The following MGAT5 variants were observed in gnomAD, a reference collection of about 807,000 sequenced individuals.
MGAT5 encodes alpha-1,6-mannosylglycoprotein 6-beta-N-acetylglucosaminyltransferase.
In MGAT5, 30 loss-of-function variants were observed where a neutral mutation model predicts 94.3. The observed-to-expected ratio is 0.32, with a 90% CI of 0.24 to 0.43. The LOEUF (loss-of-function observed/expected upper bound fraction) is 0.43, where lower values mean the gene tolerates loss of function less well. Ranked by LOEUF, MGAT5 falls within the 20% of genes least tolerant of loss-of-function variation. MGAT5 has a pLI of 1.00. For synonymous variants in MGAT5, 310 were observed against 322.9 expected (o/e 0.96, Z 0.43); for missense variants, 691 against 905.5 (o/e 0.76, Z 3.04).
At chr2:134,375,975 G>A (rs1681144446) in intron 10 of MGAT5, among the ~76,000 whole-genome samples, 1 of 152,198 alleles carries the variant, frequency 6.6e-6, no homozygotes. Context: ...GTTGTCCCCA[G>A]GCACTCCAGA....
chr2:134,321,631 C>T (rs1036029701), intron 4 of MGAT5, among the ~76,000 whole-genome samples: 3 of 152,184 alleles, frequency 2.0e-5, no homozygotes, highest in African/African-American at 4.8e-5. Flanking sequence ...CGAGCAACTA[C>T]GTTTTCTCTT....
chr2:134,438,910 T>C (rs1479868220), intron 14 of MGAT5, among the ~76,000 whole-genome samples: 1 of 152,228 alleles, frequency 6.6e-6, no homozygotes, highest in African/African-American at 2.4e-5. Flanking sequence ...CCTGGAATTC[T>C]ATTTGCAGCT....
In MGAT5 at chr2:134,374,189, G is replaced by A. The variant is rs74424324; in HGVS notation, c.1380+11781G>A. 4.6e-3 allele frequency among the ~76,000 whole-genome samples: 699 copies of A among 152,268 alleles called. 4 individuals carry two copies. The highest frequency in any genetic ancestry group is 0.016 in the African/African-American group (674 of 41,538). On this transcript the variant is annotated intron_variant, in intron 10 of 15. Transcript: ENST00000281923. Reference sequence around the variant, plus strand: ...CATATAAGCCAGTGGAATGCATTGGGCCAGTTGAAGGAAGTCTGACCTCTT... The same window carrying A: ...CATATAAGCCAGTGGAATGCATTGGACCAGTTGAAGGAAGTCTGACCTCTT...
chr2:134,396,103 G>T (rs1682689919), intron 10 of MGAT5, among the ~76,000 whole-genome samples: 1 of 152,172 alleles, frequency 6.6e-6, no homozygotes, highest in Non-Finnish European at 1.5e-5. Flanking sequence ...AGAGGTAAGG[G>T]TTTGGGAAGG....
At chr2:134,411,072 C>T (rs1269966250) in intron 11 of MGAT5, among the ~76,000 whole-genome samples, 3 of 152,162 alleles carry the variant, frequency 2.0e-5, no homozygotes, top group Non-Finnish European at 4.4e-5. Context: ...GCTGGGATGT[C>T]GTGGGACTAG....
chr2:134,181,364 G>A (rs902731789), intron 1 of MGAT5, among the ~76,000 whole-genome samples: 4 of 152,190 alleles, frequency 2.6e-5, no homozygotes, highest in Non-Finnish European at 4.4e-5. Flanking sequence ...AAGGGCTTAC[G>A]TGTGTCCACA....
intron 2 of MGAT5, among the ~76,000 whole-genome samples, chr2:134,309,343 G>T (rs1317816064): frequency 6.6e-6 from 1 of 152,200 alleles, no homozygotes; most frequent in Non-Finnish European, 1.5e-5. Flanking sequence ...CCAAGGAGTA[G>T]AATTGTTGAC....
chr2:134,298,403 CTG>C lies in MGAT5; in HGVS notation c.407-19124_407-19123del, dbSNP rs1685818274. Among the ~76,000 whole-genome samples, 3 of 152,176 alleles carry C rather than the reference CTG, an allele frequency of 2.0e-5. No homozygotes were observed. In the South Asian group the frequency reaches 6.2e-4, roughly 32 times the overall value. On this transcript the variant is annotated intron_variant, in intron 2 of 15. Transcript: ENST00000281923. ...GTGAGCCACCATGCCTGGCCTATCT[CTG>C]TATTATTTATCACCAAATAAAAATT...
Position 134,321,438 on chromosome 2 carries a change from G to A in MGAT5, c.573+2699G>A, listed in dbSNP as rs115552469. Among the ~76,000 whole-genome samples, 1,201 of 152,206 alleles carry A rather than the reference G, an allele frequency of 7.9e-3. 13 individuals are homozygous for A. The highest frequency in any genetic ancestry group is 0.028 in the African/African-American group (1,159 of 41,516). The stretch of plus-strand genomic sequence containing the variant: ...GAGAGTGATCCAAATGGAAGAGACT[G>A]CAGTTATTTGTGACTTCTTTCCCTC... On this transcript the variant is annotated intron_variant, in intron 4 of 15. Transcript: ENST00000281923.
chr2:134,229,694 G>T (rs564932340), intron 1 of MGAT5, among the ~76,000 whole-genome samples: 17 of 152,104 alleles, frequency 1.1e-4, no homozygotes, highest in African/African-American at 4.1e-4. Context: ...AAAAGAAAAA[G>T]TATCACTATT....
chr2:134,276,299 G>T (rs762594759), intron 2 of MGAT5, among the ~76,000 whole-genome samples: 10 of 152,110 alleles, frequency 6.6e-5, no homozygotes, highest in South Asian at 4.1e-4. Flanking sequence ...CTGGCCCACA[G>T]TGTGCTTTTG....
intron 1 of MGAT5, among the ~76,000 whole-genome samples, chr2:134,243,544 A>T (rs1040414472): frequency 1.3e-5 from 2 of 152,216 alleles, no homozygotes; most frequent in African/African-American, 4.8e-5. Flanking sequence ...AAGAAAATTC[A>T]GACCTTGACT....
chr2:134,124,323 C>A (rs555029710), intron 1 of MGAT5, among the ~76,000 whole-genome samples: 3 of 152,126 alleles, frequency 2.0e-5, no homozygotes. Context: ...TTTTTCATTG[C>A]CACAATTAAG....
chr2:134,290,943 T>C (rs1202175119), intron 2 of MGAT5, among the ~76,000 whole-genome samples: 1 of 152,190 alleles, frequency 6.6e-6, no homozygotes, highest in South Asian at 2.1e-4. Flanking sequence ...GCGTGTCTTC[T>C]AGGTGCCAGA....
At chr2:134,313,476 A>G (rs1417562811) in intron 2 of MGAT5, among the ~76,000 whole-genome samples, 1 of 152,156 alleles carries the variant, frequency 6.6e-6, no homozygotes, top group African/African-American at 2.4e-5. Flanking sequence ...CCATAGGATC[A>G]TACAGAGGTG....
At position 134,454,389 on chromosome 2, in the gene MGAT5, G is replaced by A. The variant is rs969949481; in HGVS notation, c.*5542G>A. ...TGACGTCCCTTCCACTGTAGTTGCT[G>A]TCACAACCTTGACGTCTTTAAGCTA... On this transcript the variant is annotated 3_prime_UTR_variant, in exon 16 of 16. Coordinates refer to ENST00000281923, the MANE Select transcript of MGAT5 (RefSeq NM_002410.5). 1.3e-5 allele frequency: 2 copies of A among 152,196 alleles called. No individual in the cohort carries two copies. Among genetic ancestry groups the A allele is most frequent in the Admixed American group, 6.5e-5 (1 of 15,278 alleles). The allele number at this position is 152,196 out of a possible 1,614,324, so 9.4% of individuals were successfully genotyped here. A position where few individuals can be genotyped will look rare whatever the true frequency, so the allele number is the denominator to read the frequency against.
chr2:134,176,599 TA>T (rs1553488462), intron 1 of MGAT5, among the ~76,000 whole-genome samples: 1 of 114,480 alleles, frequency 8.7e-6, no homozygotes, highest in African/African-American at 3.4e-5. Flanking sequence ...AAAAAAATTC[TA>T]AACCATCAAG....
chr2:134,419,405 A>AT (rs1210800115), intron 12 of MGAT5, among the ~76,000 whole-genome samples: 1 of 145,230 alleles, frequency 6.9e-6, no homozygotes, highest in Admixed American at 6.9e-5. Context: ...TTTTTCTGAC[A>AT]TTTTTTAAGC....
At chr2:134,414,578 T>C (rs1683862358) in intron 12 of MGAT5, among the ~76,000 whole-genome samples, 1 of 152,132 alleles carries the variant, frequency 6.6e-6, no homozygotes, top group East Asian at 1.9e-4. Flanking sequence ...ACAATCAAGC[T>C]AATCCATCAC....
Sources: gnomAD v4.1 joint callset for allele counts (sites outside exome capture counted in the v4.1 genomes callset) on GRCh38, gnomAD v4.1.1 for gene constraint, MANE v1.5 for transcripts, NCBI Gene and HGNC (gene_info 2026-07-23, HGNC 2026-07-21) for gene names.